TLL1: variants seen among roughly 807,000 people sequenced by gnomAD.
The protein encoded by TLL1 is tolloid-like protein 1.
Under a neutral mutation model 128.2 loss-of-function variants are expected in TLL1, and 49 were observed. The ratio of observed to expected loss-of-function variants is 0.38; its 90% CI spans 0.30 to 0.48. The LOEUF (loss-of-function observed/expected upper bound fraction) is 0.48, where lower values mean the gene tolerates loss of function less well. Among genes scored for constraint, TLL1 ranks in the 20% least tolerant of loss-of-function variants. The pLI, the probability that TLL1 is intolerant of heterozygous loss-of-function variation, is 0.96. For synonymous variants in TLL1, 454 were observed against 418.8 expected (o/e 1.08, Z -1.03); for missense variants, 1,123 against 1,242.0 (o/e 0.90, Z 1.44).
chr4:166,052,542 G>A (rs1448545911), intron 12 of TLL1, among the ~76,000 whole-genome samples: 2 of 152,082 alleles, frequency 1.3e-5, no homozygotes, highest in Non-Finnish European at 2.9e-5. Flanking sequence ...TGATCCACCT[G>A]CTAAGACCTC....
At chr4:166,073,662 A>G (rs1740891425) in intron 16 of TLL1, among the ~76,000 whole-genome samples, 1 of 152,182 alleles carries the variant, frequency 6.6e-6, no homozygotes. Context: ...CAATGCATTC[A>G]TATCACCTGT....
At chr4:166,038,441 C>A (rs569811476) in intron 9 of TLL1, among the ~76,000 whole-genome samples, 3 of 151,492 alleles carry the variant, frequency 2.0e-5, no homozygotes, top group South Asian at 2.1e-4. Flanking sequence ...GAGCCTTAAG[C>A]ATCTCAGATG....
At chr4:166,072,844 T>G (rs1173654681) in intron 16 of TLL1, among the ~76,000 whole-genome samples, 1 of 152,030 alleles carries the variant, frequency 6.6e-6, no homozygotes. Context: ...TCAGGCCATC[T>G]CTGCCTCCAC....
chr4:166,036,498 G>A (rs11728247), intron 9 of TLL1, among the ~76,000 whole-genome samples: 66,947 of 151,714 alleles, frequency 0.44, 15,007 homozygotes, highest in African/African-American at 0.5. Context: ...ATATGTTCAC[G>A]TAAAATAACA....
chr4:165,895,289 A>G lies in TLL1; in HGVS notation c.169+21216A>G, dbSNP rs184283367. 3.1e-4 allele frequency among the ~76,000 whole-genome samples: 47 copies of G among 152,296 alleles called. No individual in the cohort carries two copies. In the East Asian group the frequency reaches 8.1e-3, roughly 26 times the overall value. On this transcript the variant is annotated intron_variant, in intron 1 of 20. Coordinates refer to ENST00000061240, the MANE Select transcript of TLL1 (RefSeq NM_012464.5). ...AATAGAGCAGTTCTTATAAACTGCT[A>G]TGTGAGTTTAGTAAGATTTCAGGAT...
chr4:165,996,674 G>T (rs928561735), intron 5 of TLL1, among the ~76,000 whole-genome samples: 3 of 152,050 alleles, frequency 2.0e-5, no homozygotes, highest in Admixed American at 6.6e-5. Flanking sequence ...CACAATAAAA[G>T]AATGTTAAGA....
At chr4:165,886,672 A>C (rs1731174688) in intron 1 of TLL1, among the ~76,000 whole-genome samples, 1 of 152,224 alleles carries the variant, frequency 6.6e-6, no homozygotes, top group Non-Finnish European at 1.5e-5. Context: ...GTTTGAAATC[A>C]TCCCTAGATT....
chr4:166,092,729 A>AT (rs5863800), intron 19 of TLL1, among the ~76,000 whole-genome samples: 148,544 of 152,116 alleles, frequency 0.98, 72,632 homozygotes, highest in South Asian at 1. Flanking sequence ...AAGATTATGT[A>AT]TTTTTTCTTA....
chr4:166,085,165 C>T (rs992537878), intron 18 of TLL1, among the ~76,000 whole-genome samples: 41 of 151,166 alleles, frequency 2.7e-4, no homozygotes, highest in Non-Finnish European at 5.3e-4. Flanking sequence ...TTATTACTTT[C>T]TAATAGGTTT....
chr4:165,912,394 T>G (rs1185454883), intron 1 of TLL1, among the ~76,000 whole-genome samples: 2 of 152,198 alleles, frequency 1.3e-5, no homozygotes, highest in Non-Finnish European at 2.9e-5. Context: ...CTTTTCATTC[T>G]AAAACTTGAT....
chr4:165,989,399 T>C lies in TLL1; in HGVS notation c.188T>C (p.Ile63Thr). The change falls in exon 2 of 21, where the codon ATT becomes ACT. Residue 63 changes from isoleucine (I) to threonine (T), a missense_variant. Physicochemically the swap from Ile to Thr is moderately conservative, Grantham distance 89. Coordinates refer to ENST00000061240, the MANE Select transcript of TLL1 (RefSeq NM_012464.5). The part of the protein sequence containing the change: ...PCKAAVFWGD[I>T]ALDDEDLNIF... ...TTTTTAGCTGTATTTTGGGGCGATA[T>C]TGCCTTAGATGATGAAGACTTAAAT... 1.9e-6 allele frequency: 3 copies of C among 1,612,450 alleles called. No individual in the cohort carries two copies. The highest frequency in any genetic ancestry group is 2.2e-5 in the South Asian group (2 of 91,014).
chr4:165,954,489 G>T (rs572283368), intron 1 of TLL1, among the ~76,000 whole-genome samples: 1 of 152,070 alleles, frequency 6.6e-6, no homozygotes, highest in Non-Finnish European at 1.5e-5. Flanking sequence ...AGAAAGAAAA[G>T]AACTGGATTC....
intron 1 of TLL1, among the ~76,000 whole-genome samples, chr4:165,888,023 C>T (rs564111725): frequency 1.1e-4 from 16 of 152,132 alleles, no homozygotes; most frequent in South Asian, 4.1e-4. Context: ...CAGTCTTGTA[C>T]GTTTTAATAA....
At position 166,057,003 on chromosome 4, in the gene TLL1, G is replaced by A. The variant is rs9997016; in HGVS notation, c.1721-181G>A. On this transcript the variant is annotated intron_variant, in intron 13 of 20. Transcript: ENST00000061240. The stretch of plus-strand genomic sequence containing the variant: ...GCCCTCATATATATATATAAGAATA[G>A]CATGGAAAAGAACCCCCAACCATGA... 9.2e-3 allele frequency among the ~76,000 whole-genome samples: 1,405 copies of A among 152,076 alleles called. 19 individuals carry two copies. The highest frequency in any genetic ancestry group is 0.032 in the African/African-American group (1,317 of 41,466).
chr4:165,914,239 G>A (rs1262790482), intron 1 of TLL1, among the ~76,000 whole-genome samples: 2 of 151,712 alleles, frequency 1.3e-5, no homozygotes, highest in African/African-American at 2.4e-5. Flanking sequence ...TTTATCCATC[G>A]CTACCCCAGA....
intron 8 of TLL1, among the ~76,000 whole-genome samples, chr4:166,019,220 G>T (rs1463920658): frequency 6.6e-6 from 1 of 152,110 alleles, no homozygotes; most frequent in African/African-American, 2.4e-5. Context: ...ACCAAATACT[G>T]CATGTTCTCA....
chr4:165,917,312 C>T lies in TLL1; in HGVS notation c.169+43239C>T, dbSNP rs181948019. On this transcript the variant is annotated intron_variant, in intron 1 of 20. Transcript: ENST00000061240. ...ATTACTCTTGTACTGTTCTAGAACA[C>T]TTACAGGGTAAGAATCTCTGGAGTC... Among the ~76,000 whole-genome samples, 168 of 152,230 alleles carry T rather than the reference C, an allele frequency of 1.1e-3. 1 individual carries two copies. The highest frequency in any genetic ancestry group is 3.5e-4 in the Non-Finnish European group (24 of 67,998).
chr4:166,090,622 A>G (rs1741721479), intron 18 of TLL1, among the ~76,000 whole-genome samples: 4 of 152,106 alleles, frequency 2.6e-5, no homozygotes, highest in Admixed American at 2.0e-4. Context: ...ACAAATATAT[A>G]GTGAAAATTA....
chr4:166,080,048 A>G (rs1252874879), intron 18 of TLL1, among the ~76,000 whole-genome samples: 1 of 152,168 alleles, frequency 6.6e-6, no homozygotes, highest in Non-Finnish European at 1.5e-5. Context: ...ACAGATTATC[A>G]CAGACTTATG....
Sources: allele counts gnomAD v4.1 joint callset (sites outside exome capture counted in the v4.1 genomes callset), GRCh38; gene constraint gnomAD v4.1.1; transcripts MANE v1.5; gene names NCBI Gene and HGNC (gene_info 2026-07-23, HGNC 2026-07-21).